Variants in DNAI7 observed in about 807,000 individuals in gnomAD.
DNAI7 encodes dynein axonemal intermediate chain 7.
A neutral mutation model predicts 86.6 loss-of-function variants in DNAI7; 78 were observed. That is an observed-to-expected ratio of 0.90 (90% CI 0.75 to 1.09). The LOEUF is 1.09. Ranked by LOEUF, DNAI7 falls within the 50% of genes least tolerant of loss-of-function variation. The pLI is 0.00. For missense variants in DNAI7, 753 were observed against 810.2 expected (o/e 0.93, Z 0.86); for synonymous variants, 274 against 273.0 (o/e 1.00, Z -0.04).
Position 25,148,789 on chromosome 12 carries a change from G to A in DNAI7, c.585+839C>T, listed in dbSNP as rs578180505. On this transcript the variant is annotated intron_variant, in intron 7 of 15. Coordinates refer to ENST00000395987, the MANE Select transcript of DNAI7 (RefSeq NM_018272.5). ...CTTCTAAGCTAGCCTCTTAGCTAACGGCATCCCTTTCATACAATGTCATTA... is the reference window on the plus strand; with the variant it reads ...CTTCTAAGCTAGCCTCTTAGCTAACAGCATCCCTTTCATACAATGTCATTA... 1.3e-4 allele frequency among the ~76,000 whole-genome samples: 19 copies of A among 151,956 alleles called. 1 individual carries two copies. The highest frequency in any genetic ancestry group is 4.1e-4 in the African/African-American group (17 of 41,444).
chr12:25,137,344 A>G (rs1943664637), intron 9 of DNAI7, among the ~76,000 whole-genome samples: 1 of 152,232 alleles, frequency 6.6e-6, no homozygotes, highest in Non-Finnish European at 1.5e-5. Flanking sequence ...AAGAGAATTT[A>G]CCACTAAGTC....
chr12:25,193,712 T>C (rs1297354392), intron 1 of DNAI7, among the ~76,000 whole-genome samples: 3 of 152,194 alleles, frequency 2.0e-5, no homozygotes, highest in Non-Finnish European at 4.4e-5. Context: ...AGGTAACAAA[T>C]TGGAAGGTAA....
intron 10 of DNAI7, 27 bp downstream of exon 10, chr12:25,123,184 A>T: frequency 1.4e-6 from 2 of 1,430,152 alleles, no homozygotes; most frequent in Non-Finnish European, 1.9e-6. Flanking sequence ...CAATAAAGTT[A>T]AATTCTTAAA....
chr12:25,185,883 A>C (rs1485989994), intron 2 of DNAI7: 1 of 229,188 alleles, frequency 4.4e-6, no homozygotes, highest in African/African-American at 2.3e-5. Flanking sequence ...GTTGAGCATG[A>C]TTTCAATCAA....
chr12:25,191,621 T>C (rs779751957), intron 1 of DNAI7, among the ~76,000 whole-genome samples: 6 of 152,188 alleles, frequency 3.9e-5, no homozygotes, highest in Non-Finnish European at 5.9e-5. Context: ...GGAGAGTCGC[T>C]TGAACCTGGG....
intron 9 of DNAI7, among the ~76,000 whole-genome samples, chr12:25,131,187 TAG>T (rs1380008599): frequency 1.4e-5 from 2 of 145,736 alleles, no homozygotes; most frequent in Non-Finnish European, 3.0e-5. Context: ...GCTGGAAAAA[TAG>T]AGAACTTTTT....
intron 2 of DNAI7, among the ~76,000 whole-genome samples, chr12:25,183,055 C>T (rs1565836193): frequency 6.6e-6 from 1 of 151,970 alleles, no homozygotes; most frequent in Non-Finnish European, 1.5e-5. Flanking sequence ...GCATACTACA[C>T]AGCCATAAAA....
At position 25,176,074 on chromosome 12, in the gene DNAI7, C is replaced by A. The variant is rs935633614; in HGVS notation, c.21+14540G>T. On this transcript the variant is annotated intron_variant, in intron 2 of 15. Coordinates refer to ENST00000395987, the MANE Select transcript of DNAI7 (RefSeq NM_018272.5). ...CAGCCTAGATGACAGAGCGAGACTC[C>A]ATCTCAGAAAAAGGGATATATCCAA... Among the ~76,000 whole-genome samples, 9 of 151,456 alleles carry A rather than the reference C, an allele frequency of 5.9e-5. No homozygotes were observed. The East Asian group carries it at 1.7e-3, about 29-fold the overall frequency.
intron 13 of DNAI7, among the ~76,000 whole-genome samples, chr12:25,113,481 T>C (rs1428887942): frequency 6.6e-6 from 1 of 152,018 alleles, no homozygotes; most frequent in Non-Finnish European, 1.5e-5. Flanking sequence ...TTTGTATTAT[T>C]AGTAGAGATG....
chr12:25,173,526 T>C (rs1191875916), intron 2 of DNAI7, among the ~76,000 whole-genome samples: 2 of 152,088 alleles, frequency 1.3e-5, no homozygotes, highest in Non-Finnish European at 2.9e-5. Flanking sequence ...GTACAGCCAC[T>C]ATGGAAAACA....
chr12:25,150,227 A>T (rs886369698), intron 6 of DNAI7, among the ~76,000 whole-genome samples: 3 of 152,208 alleles, frequency 2.0e-5, no homozygotes, highest in African/African-American at 7.2e-5. Flanking sequence ...AAAGTATTTG[A>T]CCTCTGATTG....
chr12:25,173,827 T>C (rs990478744), intron 2 of DNAI7, among the ~76,000 whole-genome samples: 5 of 141,726 alleles, frequency 3.5e-5, no homozygotes, highest in Non-Finnish European at 6.1e-5. Context: ...ACATCATATA[T>C]ATACCACATC....
chr12:25,150,561 A>C (rs1004968884), intron 6 of DNAI7, among the ~76,000 whole-genome samples: 3 of 136,764 alleles, frequency 2.2e-5, no homozygotes, highest in Non-Finnish European at 4.5e-5. Flanking sequence ...CCGAGATTGC[A>C]CCACTGCACT....
chr12:25,169,161 A>T (rs1227472639), intron 2 of DNAI7, among the ~76,000 whole-genome samples: 1 of 152,206 alleles, frequency 6.6e-6, no homozygotes, highest in Non-Finnish European at 1.5e-5. Flanking sequence ...GTGCACGTAC[A>T]CATCCAGATG....
intron 11 of DNAI7, among the ~76,000 whole-genome samples, chr12:25,120,317 G>GGA (rs369253749): frequency 0.2 from 16,527 of 80,764 alleles, 2,188 homozygotes; most frequent in African/African-American, 0.3. Context: ...GCAGGAAGAG[G>GGA]GAGAGAGAGA....
In DNAI7 at chr12:25,109,684, AT is replaced by A. The variant is rs961771061; in HGVS notation, c.1893+442del. On this transcript the variant is annotated intron_variant, in intron 15 of 15. Transcript: ENST00000395987. Reference sequence around the variant, plus strand: ...TTTATATTTTTGACAAAAAATTTGAATTTTTTTTTTTGAGATGGAATTTTGC... The same window carrying A: ...TTTATATTTTTGACAAAAAATTTGAATTTTTTTTTTGAGATGGAATTTTGC... Among the ~76,000 whole-genome samples, 450 of 149,140 alleles carry A rather than the reference AT, an allele frequency of 3.0e-3. 5 individuals are homozygous for A. Among genetic ancestry groups the A allele is most frequent in the South Asian group, 0.01 (49 of 4,694 alleles).
chr12:25,115,742 G>A (rs1385653109), intron 12 of DNAI7, among the ~76,000 whole-genome samples: 1 of 152,192 alleles, frequency 6.6e-6, no homozygotes, highest in African/African-American at 2.4e-5. Context: ...CGGCTACTTT[G>A]AAAAACAATT....
Position 25,108,469 on chromosome 12 carries a change from C to T in DNAI7, c.*79G>A. ...TTGATTTGAAATGTATTCATTCACTCATTACATTGTGTTGCAGAAATACCT... is the reference window on the plus strand; with the variant it reads ...TTGATTTGAAATGTATTCATTCACTTATTACATTGTGTTGCAGAAATACCT... On this transcript the variant is annotated 3_prime_UTR_variant, in exon 16 of 16. Coordinates refer to ENST00000395987, the MANE Select transcript of DNAI7 (RefSeq NM_018272.5). 4 of 1,174,710 alleles carry T rather than the reference C, an allele frequency of 3.4e-6. No individual in the cohort carries two copies. The South Asian group carries it at 5.0e-5, about 15-fold the overall frequency. 72.8% of individuals were successfully genotyped at this position (1,174,710 alleles called of 1,614,324 possible).
rs12307733 is a variant in DNAI7 at position 25,185,841 on chromosome 12, G to T, written c.21+4773C>A. 7 of 670,688 alleles carry T rather than the reference G, an allele frequency of 1.0e-5. No homozygotes were observed. In the East Asian group the frequency reaches 5.4e-4, roughly 52 times the overall value. The allele number at this position is 670,688 out of a possible 1,614,324, so 41.5% of individuals were successfully genotyped here. ...CTATAGCAATAAGCACCCCCCTTTT[G>T]CCCATTCATTACAGTCCCATTCCTG... On this transcript the variant is annotated intron_variant, in intron 2 of 15. Transcript: ENST00000395987.
Sources: allele counts gnomAD v4.1 joint callset (sites outside exome capture counted in the v4.1 genomes callset), GRCh38; gene constraint gnomAD v4.1.1; transcripts MANE v1.5; gene names NCBI Gene and HGNC (gene_info 2026-07-23, HGNC 2026-07-21).